Variants in JAM3 observed in about 807,000 individuals in gnomAD.
The protein encoded by JAM3 is junctional adhesion molecule C.
A neutral mutation model predicts 39.4 loss-of-function variants in JAM3; 31 were observed. The observed-to-expected ratio is 0.79, with a 90% CI of 0.59 to 1.06. The LOEUF is 1.06. Among genes scored for constraint, JAM3 ranks in the 50% least tolerant of loss-of-function variants. The pLI is 0.00. For missense variants in JAM3, 455 were observed against 391.4 expected (o/e 1.16, Z -1.37); for synonymous variants, 182 against 148.7 (o/e 1.22, Z -1.63).
intron 1 of JAM3, among the ~76,000 whole-genome samples, chr11:134,113,678 C>T (rs983215760): frequency 2.0e-5 from 3 of 152,138 alleles, no homozygotes; most frequent in Admixed American, 1.3e-4. Flanking sequence ...TTTATAGCAG[C>T]ATGATTTATA....
chr11:134,069,926 C>G (rs947956447), intron 1 of JAM3, among the ~76,000 whole-genome samples: 4 of 152,194 alleles, frequency 2.6e-5, no homozygotes, highest in African/African-American at 9.7e-5. Context: ...ACCACGCAGA[C>G]TCTTATCCGG....
In JAM3 at chr11:134,149,694, TCTG is replaced by T. The variant is rs1343146355; in HGVS notation, c.*517_*519del. The T allele has an allele frequency of 8.8e-6, 4 of 456,720 alleles. No individual in the cohort carries two copies. The East Asian group carries it at 2.1e-4, about 24-fold the overall frequency. 28.3% of individuals were successfully genotyped at this position (456,720 alleles called of 1,614,324 possible). Reference sequence around the variant, plus strand: ...ACCACCGCAGTTTCTTCTTAAAGGCTCTGCTGATCGGTGTTGCAGTGTCCATTG... The same window carrying T: ...ACCACCGCAGTTTCTTCTTAAAGGCTCTGATCGGTGTTGCAGTGTCCATTG... On this transcript the variant is annotated 3_prime_UTR_variant, in exon 9 of 9. Coordinates refer to ENST00000299106, the MANE Select transcript of JAM3 (RefSeq NM_032801.5).
chr11:134,124,085 CCAAT>C (rs745517968), intron 1 of JAM3: 7 of 1,488,696 alleles, frequency 4.7e-6, no homozygotes, highest in East Asian at 2.3e-5. Flanking sequence ...ACAGGTTTAA[CCAAT>C]CATCTACTAT....
intron 1 of JAM3, among the ~76,000 whole-genome samples, chr11:134,122,092 G>T (rs1759994273): frequency 6.6e-6 from 1 of 152,132 alleles, no homozygotes; most frequent in South Asian, 2.1e-4. Flanking sequence ...TTTGTTTTCT[G>T]GGATGGGAGA....
At chr11:134,113,342 C>A (rs1172320104) in intron 1 of JAM3, among the ~76,000 whole-genome samples, 1 of 152,128 alleles carries the variant, frequency 6.6e-6, no homozygotes, top group Non-Finnish European at 1.5e-5. Context: ...ACCCTCCCCG[C>A]TTCCCCTACC....
At chr11:134,135,253 C>T (rs980435224) in intron 1 of JAM3, among the ~76,000 whole-genome samples, 3 of 152,188 alleles carry the variant, frequency 2.0e-5, no homozygotes, top group Admixed American at 1.3e-4. Context: ...GTTTTCCCAG[C>T]ACTGTTGTTG....
intron 1 of JAM3, among the ~76,000 whole-genome samples, chr11:134,100,846 C>T (rs929123759): frequency 1.3e-5 from 2 of 152,204 alleles, no homozygotes; most frequent in African/African-American, 2.4e-5. Flanking sequence ...AGAGTTTCAG[C>T]TCTTAACCAC....
intron 2 of JAM3, among the ~76,000 whole-genome samples, chr11:134,140,334 T>C (rs1246383778): frequency 6.6e-6 from 1 of 152,062 alleles, no homozygotes; most frequent in Non-Finnish European, 1.5e-5. Flanking sequence ...GGTCTCAAAC[T>C]CCTGACCTCA....
At position 134,151,540 on chromosome 11, in the gene JAM3, G is replaced by A. The variant is rs1250128567; in HGVS notation, c.*2359G>A. The A allele has an allele frequency of 6.6e-6, 1 of 152,224 alleles. No individual in the cohort carries two copies. The highest frequency in any genetic ancestry group is 6.5e-5 in the Admixed American group (1 of 15,284). 9.4% of individuals were successfully genotyped at this position (152,224 alleles called of 1,614,324 possible). A position where few individuals can be genotyped will look rare whatever the true frequency, so the allele number is the denominator to read the frequency against. On this transcript the variant is annotated 3_prime_UTR_variant, in exon 9 of 9. Coordinates refer to ENST00000299106, the MANE Select transcript of JAM3 (RefSeq NM_032801.5). ...AAAAGTAGAGAGAAGTGAAAGTAGA[G>A]TCTGGGAAGTAGCTGCCTATAACTG...
chr11:134,143,839 A>T (rs1020906803), intron 3 of JAM3, among the ~76,000 whole-genome samples: 1 of 152,206 alleles, frequency 6.6e-6, no homozygotes, highest in African/African-American at 2.4e-5. Flanking sequence ...ATATGGAGTG[A>T]GAGAGAGGTT....
At position 134,122,278 on chromosome 11, in the gene JAM3, A is replaced by G. The variant is rs533853122; in HGVS notation, c.77-17573A>G. On this transcript the variant is annotated intron_variant, in intron 1 of 8. Coordinates refer to ENST00000299106, the MANE Select transcript of JAM3 (RefSeq NM_032801.5). Reference sequence around the variant, plus strand: ...TGGGAGGCTTATGGCTCTGCACAGCAAATTCCAGCAAGATAAGATGACTTT... The same window carrying G: ...TGGGAGGCTTATGGCTCTGCACAGCGAATTCCAGCAAGATAAGATGACTTT... Among the ~76,000 whole-genome samples, 151 of 152,334 alleles carry G rather than the reference A, an allele frequency of 9.9e-4. 1 individual carries two copies. Among genetic ancestry groups the G allele is most frequent in the Middle Eastern group, 6.8e-3 (2 of 294 alleles).
intron 1 of JAM3, among the ~76,000 whole-genome samples, chr11:134,074,546 T>C (rs1247871838): frequency 1.3e-5 from 2 of 152,176 alleles, no homozygotes; most frequent in African/African-American, 2.4e-5. Context: ...AGAGATTAGT[T>C]GCCACTGACT....
intron 1 of JAM3, chr11:134,123,930 T>G (rs1942588032): frequency 7.4e-7 from 1 of 1,353,432 alleles, no homozygotes; most frequent in African/African-American, 1.4e-5. Context: ...CCCCCTTCTT[T>G]TTTGTGTTAT....
intron 1 of JAM3, among the ~76,000 whole-genome samples, chr11:134,107,027 G>A (rs1446799351): frequency 1.3e-5 from 2 of 152,132 alleles, no homozygotes; most frequent in Non-Finnish European, 2.9e-5. Flanking sequence ...AAAGACACAT[G>A]CACACGTATG....
At chr11:134,075,912 C>T (rs915507233) in intron 1 of JAM3, among the ~76,000 whole-genome samples, 13 of 152,122 alleles carry the variant, frequency 8.5e-5, no homozygotes, top group African/African-American at 3.1e-4. Context: ...TACTGTTAAC[C>T]TCCTTTGTCA....
chr11:134,145,267 A>T, intron 5 of JAM3: 1 of 528,982 alleles, frequency 1.9e-6, no homozygotes, highest in South Asian at 2.1e-5. Flanking sequence ...TCGGATAATC[A>T]ACTGTAAAAG....
intron 3 of JAM3, among the ~76,000 whole-genome samples, chr11:134,143,372 A>C (rs1943009666): frequency 6.6e-6 from 1 of 152,126 alleles, no homozygotes; most frequent in Admixed American, 6.6e-5. Flanking sequence ...CTTTGGAGAA[A>C]TGTCTGTTCA....
chr11:134,078,466 C>G (rs536348984), intron 1 of JAM3, among the ~76,000 whole-genome samples: 1 of 152,314 alleles, frequency 6.6e-6, no homozygotes, highest in African/African-American at 2.4e-5. Context: ...AACACTCCTA[C>G]CCATCTTTCT....
intron 6 of JAM3, among the ~76,000 whole-genome samples, chr11:134,147,027 G>T (rs568577973): frequency 6.6e-6 from 1 of 152,314 alleles, no homozygotes; most frequent in East Asian, 1.9e-4. Flanking sequence ...TGAGACAAGC[G>T]TTCCGAAGGA....
Sources: allele counts gnomAD v4.1 joint callset (sites outside exome capture counted in the v4.1 genomes callset), GRCh38; gene constraint gnomAD v4.1.1; transcripts MANE v1.5; gene names NCBI Gene and HGNC (gene_info 2026-07-23, HGNC 2026-07-21).